TMEM74: variants seen among roughly 807,000 people sequenced by gnomAD.
The protein encoded by TMEM74 is transmembrane protein 74.
A neutral mutation model predicts 18.1 loss-of-function variants in TMEM74; 13 were observed. The ratio of observed to expected loss-of-function variants is 0.72; its 90% CI spans 0.47 to 1.14. TMEM74 has a LOEUF of 1.14. Ranked by LOEUF, TMEM74 falls within the 50% of genes most tolerant of loss-of-function variation. The pLI is 0.00. For missense variants in TMEM74, 372 were observed against 375.9 expected, an observed-to-expected ratio of 0.99 and a Z score of 0.09; for synonymous variants, 159 against 146.6, an observed-to-expected ratio of 1.08 and a Z score of -0.61.
rs1456044278 is a variant in TMEM74, at chr8:108,781,321, A to C, written c.*2860T>G. On this transcript the variant is annotated 3_prime_UTR_variant, in exon 2 of 2. Transcript: ENST00000297459. Reference sequence around the variant, plus strand: ...TATAGGTATTGTATGCCCAATGTCTATAGAATGCATCACCTGGTCTTGCCA... The same window carrying C: ...TATAGGTATTGTATGCCCAATGTCTCTAGAATGCATCACCTGGTCTTGCCA... Among the ~76,000 whole-genome samples the C allele has an allele frequency of 6.6e-6, 1 of 152,216 alleles. No homozygotes were observed. The highest frequency in any genetic ancestry group is 1.5e-5 in the Non-Finnish European group (1 of 68,028).
intron 1 of TMEM74, among the ~76,000 whole-genome samples, chr8:108,757,111 G>A (rs1198179075): frequency 6.6e-6 from 1 of 152,074 alleles, no homozygotes; most frequent in African/African-American, 2.4e-5. Context: ...TAATGGAAAA[G>A]GATTAGAATA....
intron 1 of TMEM74, among the ~76,000 whole-genome samples, chr8:108,763,400 C>G (rs1178964877): frequency 6.6e-6 from 1 of 152,018 alleles, no homozygotes; most frequent in Non-Finnish European, 1.5e-5. Flanking sequence ...AAACACAAAC[C>G]TAGGCATGAA....
intron 2 of TMEM74, among the ~76,000 whole-genome samples, chr8:108,654,031 A>G (rs1812798557): frequency 6.6e-6 from 1 of 152,208 alleles, no homozygotes; most frequent in Admixed American, 6.6e-5. Context: ...AATAAAAAAT[A>G]TTAAAAAGCA....
chr8:108,684,183 G>A (rs1813145265), intron 1 of TMEM74, among the ~76,000 whole-genome samples: 3 of 151,928 alleles, frequency 2.0e-5, no homozygotes, highest in Non-Finnish European at 4.4e-5. Flanking sequence ...CTTCATACTG[G>A]TCCTTATAGT....
At chr8:108,689,088 T>C (rs1813199586) in intron 1 of TMEM74, among the ~76,000 whole-genome samples, 1 of 152,192 alleles carries the variant, frequency 6.6e-6, no homozygotes, top group African/African-American at 2.4e-5. Context: ...CAAAGTCACT[T>C]AAGTGACTCT....
chr8:108,624,667 C>T (rs904789928), intron 2 of TMEM74, among the ~76,000 whole-genome samples: 6 of 151,972 alleles, frequency 3.9e-5, no homozygotes, highest in African/African-American at 1.4e-4. Flanking sequence ...CTCATAACAC[C>T]TATCTACTGA....
intron 2 of TMEM74, among the ~76,000 whole-genome samples, chr8:108,648,194 C>G (rs1812739332): frequency 6.6e-6 from 1 of 152,034 alleles, no homozygotes; most frequent in Non-Finnish European, 1.5e-5. Flanking sequence ...CCTGTTGAGT[C>G]TGGGGTGGCC....
intron 1 of TMEM74, among the ~76,000 whole-genome samples, chr8:108,681,463 T>C (rs1171668302): frequency 6.6e-6 from 1 of 152,184 alleles, no homozygotes; most frequent in African/African-American, 2.4e-5. Flanking sequence ...TGGCTAGCCA[T>C]ATGTGGAAAG....
chr8:108,768,622 CA>C (rs1352260949), intron 1 of TMEM74, among the ~76,000 whole-genome samples: 1 of 152,174 alleles, frequency 6.6e-6, no homozygotes, highest in Non-Finnish European at 1.5e-5. Context: ...CCTCCCCTGT[CA>C]TAGCACAACT....
In TMEM74 at chr8:108,782,458, C is replaced by T. The variant is rs1215296751; in HGVS notation, c.*1723G>A. 6.6e-6 allele frequency among the ~76,000 whole-genome samples: 1 copy of T among 152,000 alleles called. No individual in the cohort carries two copies. The highest frequency in any genetic ancestry group is 1.9e-4 in the East Asian group (1 of 5,182). On this transcript the variant is annotated 3_prime_UTR_variant, in exon 2 of 2. Transcript: ENST00000297459. ...TTTACTTAATAATTCTTTCATATGC[C>T]CATCCTCTCTTTTTACTATCTTCTG...
chr8:108,615,834 T>TTTTTTTC, intron 2 of TMEM74, among the ~76,000 whole-genome samples: 1 of 145,678 alleles, frequency 6.9e-6, no homozygotes, highest in Non-Finnish European at 1.5e-5. Flanking sequence ...TTTTTTTTTT[T>TTTTTTTC]TTTTTTTTGG....
chr8:108,610,022 T>C (rs1249088870), intron 2 of TMEM74, among the ~76,000 whole-genome samples: 3 of 152,184 alleles, frequency 2.0e-5, no homozygotes, highest in Non-Finnish European at 4.4e-5. Flanking sequence ...GCTGTCGCCC[T>C]TTAGTGTGCA....
In TMEM74 at chr8:108,781,402, A is replaced by G. The variant is rs532043901; in HGVS notation, c.*2779T>C. ...TCAGATTGGGAAAAACAGGAAATAA[A>G]GCACATGGCTTTTCTTTGCCTGTGT... On this transcript the variant is annotated 3_prime_UTR_variant, in exon 2 of 2. Coordinates refer to ENST00000297459, the MANE Select transcript of TMEM74 (RefSeq NM_153015.3). 6.6e-6 allele frequency among the ~76,000 whole-genome samples: 1 copy of G among 152,322 alleles called. No individual in the cohort carries two copies. The highest frequency in any genetic ancestry group is 2.1e-4 in the South Asian group (1 of 4,830).
At chr8:108,746,806 A>G (rs982678330) in intron 1 of TMEM74, among the ~76,000 whole-genome samples, 11 of 152,098 alleles carry the variant, frequency 7.2e-5, no homozygotes, top group African/African-American at 2.7e-4. Context: ...TGAAATCTCA[A>G]AAGGACAAGG....
At chr8:108,646,309 T>A (rs1812717381) in intron 2 of TMEM74, among the ~76,000 whole-genome samples, 1 of 152,142 alleles carries the variant, frequency 6.6e-6, no homozygotes. Context: ...GATTCAAGTA[T>A]GTTATACAAT....
At chr8:108,778,155 A>T (rs190615469), downstream of TMEM74, among the ~76,000 whole-genome samples, 2 of 152,266 alleles carry the variant, frequency 1.3e-5, no homozygotes, top group African/African-American at 4.8e-5. Context: ...CAAAACAAAG[A>T]CCTTAGAAAT....
intron 1 of TMEM74, among the ~76,000 whole-genome samples, chr8:108,743,195 A>C (rs1462488897): frequency 6.6e-6 from 1 of 152,186 alleles, no homozygotes; most frequent in Non-Finnish European, 1.5e-5. Flanking sequence ...AAAAGCAAAA[A>C]ACCTGATGTT....
chr8:108,669,245 T>TTTTC (rs1196940231), intron 1 of TMEM74, among the ~76,000 whole-genome samples: 3 of 152,136 alleles, frequency 2.0e-5, no homozygotes, highest in Non-Finnish European at 4.4e-5. Context: ...CAAAGCATTA[T>TTTTC]TTTCTTTCTT....
At chr8:108,632,211 G>A (rs576441479) in intron 2 of TMEM74, among the ~76,000 whole-genome samples, 6 of 152,098 alleles carry the variant, frequency 3.9e-5, no homozygotes, top group Non-Finnish European at 8.8e-5. Flanking sequence ...ATTTTTTCAG[G>A]AAGATTAAGT....
Sources: allele counts gnomAD v4.1 joint callset (sites outside exome capture counted in the v4.1 genomes callset), GRCh38; gene constraint gnomAD v4.1.1; transcripts MANE v1.5; gene names NCBI Gene and HGNC (gene_info 2026-07-23, HGNC 2026-07-21).